MFN1: variants seen among roughly 807,000 people sequenced by gnomAD.
The protein encoded by MFN1 is mitofusin 1.
MFN1 carries 65 observed loss-of-function variants against 92.4 expected under a neutral mutation model. The observed-to-expected ratio is 0.70, with a 90% CI of 0.58 to 0.86. The LOEUF is 0.86. Ranked by LOEUF, MFN1 falls within the 40% of genes least tolerant of loss-of-function variation. The probability of loss-of-function intolerance (pLI) is 0.00; values close to 1 mark genes in which losing one functional copy is unlikely to be tolerated. For missense variants in MFN1, 781 were observed against 868.0 expected (o/e 0.90, Z 1.26); for synonymous variants, 297 against 300.9 (o/e 0.99, Z 0.13).
At chr3:179,367,756 C>T (rs544153872) in intron 8 of MFN1, among the ~76,000 whole-genome samples, 164 bp downstream of exon 8, 2 of 151,860 alleles carry the variant, frequency 1.3e-5, no homozygotes, top group East Asian at 3.9e-4. Context: ...AACCCCATCT[C>T]TACTAAAAAT....
intron 14 of MFN1, among the ~76,000 whole-genome samples, chr3:179,382,493 C>G (rs1328250419): frequency 6.6e-6 from 1 of 152,158 alleles, no homozygotes; most frequent in South Asian, 2.1e-4. Context: ...TGGGTTGGTT[C>G]CAAGTCTTTG....
intron 2 of MFN1, 24 bp from the exon 3 acceptor site, chr3:179,351,876 T>A (rs1712160014): frequency 6.3e-7 from 1 of 1,585,694 alleles, no homozygotes; most frequent in African/African-American, 1.3e-5. Context: ...ATATCACTTT[T>A]CTAATGCCAT....
chr3:179,385,243 T>TG (rs1258193946), intron 14 of MFN1, among the ~76,000 whole-genome samples: 1 of 151,454 alleles, frequency 6.6e-6, no homozygotes, highest in Non-Finnish European at 1.5e-5. Context: ...TAGTTTATCA[T>TG]TTTTTGTTGT....
chr3:179,391,024 A>G (rs1043986657), intron 17 of MFN1, among the ~76,000 whole-genome samples: 10 of 152,210 alleles, frequency 6.6e-5, no homozygotes, highest in African/African-American at 1.9e-4. Context: ...GATATTTCCA[A>G]CCTCACCCAC....
At chr3:179,378,139 G>A (rs956264863) in intron 12 of MFN1, 11 of 537,236 alleles carry the variant, frequency 2.0e-5, no homozygotes, top group Non-Finnish European at 3.3e-5. Context: ...CAGGAGGATC[G>A]CGTGAGCCTA....
At chr3:179,378,926 A>C in intron 14 of MFN1, 112 bp downstream of exon 14, 1 of 794,570 alleles carries the variant, frequency 1.3e-6, no homozygotes, top group African/African-American at 1.7e-5. Flanking sequence ...GCTAGTATCT[A>C]TCTCTTAGAG....
rs1206839764 is a variant in MFN1, at chr3:179,390,155, TCTC to T, written c.2147+18_2147+20del. 1 of 1,518,632 alleles carries T rather than the reference TCTC, an allele frequency of 6.6e-7. No homozygotes were observed. The highest frequency in any genetic ancestry group is 8.8e-7 in the Non-Finnish European group (1 of 1,138,416). The allele number at this position is 1,518,632 out of a possible 1,614,324, so 94.1% of individuals were successfully genotyped here. On this transcript the variant is annotated intron_variant, in intron 17 of 17. Transcript: ENST00000471841. ...GCTCTTAAGGTATTTAAACCTTTCT[TCTC>T]AATAATTTGAACATTTACTGGTCTC...
chr3:179,367,969 CAGT>C (rs1712868873), intron 8 of MFN1, 64 bp from the exon 9 acceptor site: 1 of 902,740 alleles, frequency 1.1e-6, no homozygotes, highest in East Asian at 3.9e-5. Context: ...ATTATAAAAT[CAGT>C]AGCCTACCAG....
At chr3:179,386,310 G>A (rs1318765525) in intron 15 of MFN1, 123 bp from the exon 16 acceptor site, 4 of 728,428 alleles carry the variant, frequency 5.5e-6, no homozygotes, top group Non-Finnish European at 6.6e-6. Flanking sequence ...TCATGGAGAA[G>A]GAATATACAT....
chr3:179,349,464 T>G (rs1712053623), intron 2 of MFN1, among the ~76,000 whole-genome samples: 1 of 152,022 alleles, frequency 6.6e-6, no homozygotes, highest in South Asian at 2.1e-4. Context: ...AGGAGTTTCA[T>G]AACTGTTAAA....
intron 14 of MFN1, 40 bp from the exon 15 acceptor site, chr3:179,385,521 ATAGTTGTT>A (rs1713645413): frequency 6.6e-7 from 1 of 1,523,558 alleles, no homozygotes; most frequent in Admixed American, 2.2e-5. Context: ...AGATAACTTT[ATAGTTGTT>A]TAAGTGTAAT....
intron 9 of MFN1, among the ~76,000 whole-genome samples, chr3:179,371,953 A>G (rs545989976): frequency 1.3e-5 from 2 of 151,144 alleles, no homozygotes; most frequent in African/African-American, 2.4e-5. Context: ...GGAAAATAAT[A>G]CATAAGTATA....
At chr3:179,369,428 A>G (rs1314223500) in intron 9 of MFN1, among the ~76,000 whole-genome samples, 1 of 152,152 alleles carries the variant, frequency 6.6e-6, no homozygotes, top group Non-Finnish European at 1.5e-5. Flanking sequence ...TGACCTTAGT[A>G]TATATGTGTT....
At chr3:179,364,597 G>A (rs1325233185) in intron 6 of MFN1, among the ~76,000 whole-genome samples, 192 bp downstream of exon 6, 1 of 152,122 alleles carries the variant, frequency 6.6e-6, no homozygotes, top group Non-Finnish European at 1.5e-5. Context: ...TAGTTCCCTG[G>A]ATTTCTCTAG....
chr3:179,348,102 G>T (rs1337560404), intron 1 of MFN1: 5 of 152,314 alleles, frequency 3.3e-5, no homozygotes, highest in Non-Finnish European at 7.3e-5. Context: ...GGTGTGGGAA[G>T]GTGGGAGGCC....
Position 179,367,521 on chromosome 3 carries a change from G to A in MFN1, c.836G>A (p.Arg279His), listed in dbSNP as rs147169936. 9.3e-6 allele frequency: 15 copies of A among 1,613,648 alleles called. No individual in the cohort carries two copies. The highest frequency in any genetic ancestry group is 4.5e-5 in the East Asian group (2 of 44,838). The change falls in exon 8 of 18, where the codon CGT (arginine) becomes CAT (histidine). Residue 279 changes from arginine to histidine, a missense_variant. By Grantham distance (29) the Arg-to-His change is conservative. Transcript: ENST00000471841. ...GTAAATGCTTTAGAAGCACAGAATC[G>A]TATCTTCTTTGTTTCAGCAAAGGAA... is the stretch of plus-strand genomic sequence containing the variant. The part of the protein sequence containing the change: ...KVVNALEAQN[R>H]IFFVSAKEVL...
chr3:179,360,136 G>C (rs1421544968), intron 4 of MFN1, among the ~76,000 whole-genome samples: 9 of 152,144 alleles, frequency 5.9e-5, no homozygotes, highest in Non-Finnish European at 1.5e-5. Context: ...GGCTGGTCTT[G>C]AACTCCTGAC....
chr3:179,377,180 T>C lies in MFN1; in HGVS notation c.1224+12T>C. On this transcript the variant is annotated intron_variant, in intron 11 of 17. Coordinates refer to ENST00000471841, the MANE Select transcript of MFN1 (RefSeq NM_033540.3). ...AGGTGGCAAACAAAGTGGGTAACAG[T>C]AGCTTCATGATTAAAATAACCTGGA... 1 of 1,608,332 alleles carries C rather than the reference T, an allele frequency of 6.2e-7. No individual in the cohort carries two copies. Among genetic ancestry groups the C allele is most frequent in the East Asian group, 2.2e-5 (1 of 44,754 alleles).
Position 179,352,053 on chromosome 3 carries a change from C to T in MFN1, c.248+18C>T, listed in dbSNP as rs1001032533. On this transcript the variant is annotated intron_variant, in intron 3 of 17. Transcript: ENST00000471841. Reference sequence around the variant, plus strand: ...TTTGGCAGGTAATTATTTATTATTACTTCTAAGATTAGTTTCCAGGAATCA... The same window carrying T: ...TTTGGCAGGTAATTATTTATTATTATTTCTAAGATTAGTTTCCAGGAATCA... 6.4e-7 allele frequency: 1 copy of T among 1,569,980 alleles called. No individual in the cohort carries two copies. Among genetic ancestry groups the T allele is most frequent in the African/African-American group, 1.3e-5 (1 of 74,116 alleles).
Sources: allele counts gnomAD v4.1 joint callset (sites outside exome capture counted in the v4.1 genomes callset), GRCh38; gene constraint gnomAD v4.1.1; transcripts MANE v1.5; gene names NCBI Gene and HGNC (gene_info 2026-07-23, HGNC 2026-07-21).